The following NLGN1 variants were observed in gnomAD, a reference collection of about 807,000 sequenced individuals.
NLGN1 encodes neuroligin 1.
In NLGN1, 12 loss-of-function variants were observed where a neutral mutation model predicts 65.5. The ratio of observed to expected loss-of-function variants is 0.18; its 90% CI spans 0.12 to 0.30. NLGN1 has a LOEUF of 0.30. Among genes scored for constraint, NLGN1 ranks in the 10% least tolerant of loss-of-function variants. The probability of loss-of-function intolerance (pLI) is 1.00; values close to 1 mark genes in which losing one functional copy is unlikely to be tolerated. For missense variants in NLGN1, 750 were observed against 1,007.1 expected (o/e 0.74, Z 3.46); for synonymous variants, 350 against 359.5 (o/e 0.97, Z 0.30).
At chr3:174,201,232 A>G (rs1389255799) in intron 4 of NLGN1, among the ~76,000 whole-genome samples, 2 of 150,708 alleles carry the variant, frequency 1.3e-5, no homozygotes, top group African/African-American at 4.9e-5. Context: ...TACAGAGTAA[A>G]ACCCTCTTTC....
rs946274723 is a variant in NLGN1 at position 174,279,079 on chromosome 3, A to G, written c.1078A>G (p.Ile360Val). 2 of 1,613,126 alleles carry G rather than the reference A, an allele frequency of 1.2e-6. No homozygotes were observed. Among genetic ancestry groups the G allele is most frequent in the African/African-American group, 2.7e-5 (2 of 74,836 alleles). ...ATACCACATAGCCTTTGGACCTGTG[A>G]TTGATGGTGATGTAATACCAGACGA... Residue 360 changes from isoleucine (I) to valine (V), a missense_variant, in exon 6 of 7, where the codon ATT (isoleucine) becomes GTT (valine). By Grantham distance (29) the Ile-to-Val change is conservative. Coordinates refer to ENST00000457714, the Ensembl canonical transcript of NLGN1. The surrounding 1 kb of genome is among the most constrained non-coding windows in gnomAD (Gnocchi z 4.7).
intron 3 of NLGN1, among the ~76,000 whole-genome samples, chr3:173,737,995 G>C (rs1774050231): frequency 1.3e-5 from 2 of 151,976 alleles, no homozygotes; most frequent in South Asian, 4.1e-4. Flanking sequence ...GTATTTCCCT[G>C]AAGGCTAATG....
At chr3:174,202,976 C>CTTTA (rs57605615) in intron 4 of NLGN1, among the ~76,000 whole-genome samples, 7 of 151,280 alleles carry the variant, frequency 4.6e-5, no homozygotes, top group Admixed American at 1.3e-4. Flanking sequence ...AAGGGAAGCA[C>CTTTA]TTTATTTATT....
chr3:174,221,041 A>T (rs1307870123), intron 4 of NLGN1, among the ~76,000 whole-genome samples: 2 of 152,226 alleles, frequency 1.3e-5, no homozygotes, highest in Admixed American at 6.5e-5. Context: ...TTAGAACTGC[A>T]GGGAGTTGGT....
chr3:174,106,498 A>C (rs986554394), intron 4 of NLGN1, among the ~76,000 whole-genome samples: 1 of 152,054 alleles, frequency 6.6e-6, no homozygotes, highest in African/African-American at 2.4e-5. Flanking sequence ...TATTCAAAGA[A>C]ATTAAAAACC....
At chr3:173,446,112 C>T (rs1386666893) in intron 2 of NLGN1, among the ~76,000 whole-genome samples, 3 of 150,758 alleles carry the variant, frequency 2.0e-5, no homozygotes, top group African/African-American at 4.9e-5. Context: ...ATGTGCACAA[C>T]GTGCAGGTTT....
chr3:173,502,532 T>G (rs1731311725), intron 2 of NLGN1, among the ~76,000 whole-genome samples: 2 of 152,164 alleles, frequency 1.3e-5, no homozygotes, highest in African/African-American at 4.8e-5. Flanking sequence ...AGCTAATGTT[T>G]TCTTCATGAG....
At chr3:173,827,768 G>A (rs1721658490) in intron 4 of NLGN1, among the ~76,000 whole-genome samples, 1 of 151,876 alleles carries the variant, frequency 6.6e-6, no homozygotes, top group Admixed American at 6.6e-5. Flanking sequence ...AGACAGAGAA[G>A]CTGATGATGT....
chr3:173,950,749 C>T (rs1426329821), intron 4 of NLGN1, among the ~76,000 whole-genome samples: 3 of 148,806 alleles, frequency 2.0e-5, no homozygotes, highest in East Asian at 2.0e-4. Flanking sequence ...GCAGATGTCG[C>T]GGTGAGCCAA....
chr3:173,805,123 A>G (rs773274952), intron 3 of NLGN1, among the ~76,000 whole-genome samples: 1 of 152,190 alleles, frequency 6.6e-6, no homozygotes, highest in Non-Finnish European at 1.5e-5. Flanking sequence ...GAAAATATCC[A>G]AAGTTTCTAC....
chr3:173,618,185 T>C (rs1203169255), intron 3 of NLGN1, among the ~76,000 whole-genome samples: 1 of 150,296 alleles, frequency 6.7e-6, no homozygotes, highest in Non-Finnish European at 1.5e-5. Flanking sequence ...TGGGTTTTTG[T>C]CATTGTTCTT....
intron 3 of NLGN1, among the ~76,000 whole-genome samples, chr3:173,770,694 C>G (rs1490073875): frequency 6.6e-6 from 1 of 152,094 alleles, no homozygotes; most frequent in Non-Finnish European, 1.5e-5. Flanking sequence ...AATACAATTT[C>G]AGATCAATGT....
chr3:174,165,210 C>T (rs1163158963), intron 4 of NLGN1, among the ~76,000 whole-genome samples: 4 of 151,774 alleles, frequency 2.6e-5, no homozygotes, highest in Admixed American at 6.6e-5. Context: ...TGTCTGATTC[C>T]TCTGGCTAGC....
At chr3:173,675,895 A>T (rs891704237) in intron 3 of NLGN1, among the ~76,000 whole-genome samples, 120 of 120,280 alleles carry the variant, frequency 1.0e-3, no homozygotes, top group Non-Finnish European at 1.2e-3. Context: ...TCTCACACAC[A>T]CACACACACA....
At chr3:173,787,195 T>A (rs918216776) in intron 3 of NLGN1, among the ~76,000 whole-genome samples, 3 of 152,222 alleles carry the variant, frequency 2.0e-5, no homozygotes, top group African/African-American at 7.2e-5. Flanking sequence ...ATTTAAAATT[T>A]ACAAGCATTA....
intron 4 of NLGN1, among the ~76,000 whole-genome samples, chr3:173,893,145 G>A (rs945393734): frequency 2.6e-5 from 4 of 152,076 alleles, no homozygotes; most frequent in Admixed American, 2.6e-4. Flanking sequence ...ATCTCAAATT[G>A]AACATGTTTC....
At chr3:173,689,844 G>C (rs2149817642) in intron 3 of NLGN1, among the ~76,000 whole-genome samples, 1 of 152,266 alleles carries the variant, frequency 6.6e-6, no homozygotes, top group East Asian at 1.9e-4. Context: ...ACTAGAAATA[G>C]GGGATGCAAT....
intron 4 of NLGN1, among the ~76,000 whole-genome samples, chr3:173,935,636 TC>T (rs1560671285): frequency 0.014 from 1,532 of 109,786 alleles, 29 homozygotes; most frequent in African/African-American, 0.053. Flanking sequence ...TCTCTCTCTC[TC>T]TCTCTCTCTC....
chr3:174,255,230 T>C (rs1462660431), intron 4 of NLGN1, among the ~76,000 whole-genome samples: 1 of 151,964 alleles, frequency 6.6e-6, no homozygotes, highest in Non-Finnish European at 1.5e-5. Flanking sequence ...GGTCAGGAGA[T>C]CGAGACCATG....
Sources: allele counts gnomAD v4.1 joint callset (sites outside exome capture counted in the v4.1 genomes callset), GRCh38; gene constraint gnomAD v4.1.1; non-coding constraint Gnocchi (gnomAD v3.1); transcripts MANE v1.5; gene names NCBI Gene and HGNC (gene_info 2026-07-23, HGNC 2026-07-21).